Variants in CFAP210 observed in about 807,000 individuals in gnomAD.
The protein encoded by CFAP210 is cilia and flagella associated protein 210.
At chr2:169,645,898 A>G in the CFAP210 span, 690 of 1,613,816 alleles carry the variant, frequency 4.3e-4, no homozygotes, top group Non-Finnish European at 5.5e-4. Flanking sequence ...TTGGTCCCTG[A>G]GAGTTATAAA....
the CFAP210 span, chr2:169,674,587 A>C: frequency 6.2e-7 from 1 of 1,600,520 alleles, no homozygotes; most frequent in East Asian, 2.3e-5. Context: ...GTTTTAGATG[A>C]TCTTTGGCAA....
At chr2:169,674,086 T>C in the CFAP210 span, among the ~76,000 whole-genome samples, 1 of 152,192 alleles carries the variant, frequency 6.6e-6, no homozygotes, top group Non-Finnish European at 1.5e-5. Flanking sequence ...CCAAGTATAC[T>C]TCCTTCTCCA....
the CFAP210 span, among the ~76,000 whole-genome samples, chr2:169,656,690 G>A: frequency 0.38 from 57,794 of 151,824 alleles, 11,317 homozygotes; most frequent in African/African-American, 0.42. Context: ...TAGACCGGGC[G>A]TGGTGACTCA....
chr2:169,683,398 C>G, the CFAP210 span, among the ~76,000 whole-genome samples: 1 of 152,194 alleles, frequency 6.6e-6, no homozygotes, highest in African/African-American at 2.4e-5. Context: ...ACCAATACAT[C>G]CTTACAGCCT....
chr2:169,686,193 T>C, the CFAP210 span, among the ~76,000 whole-genome samples: 1 of 152,238 alleles, frequency 6.6e-6, no homozygotes, highest in Non-Finnish European at 1.5e-5. Context: ...CCAATGAGTG[T>C]AGCTTTGTAG....
chr2:169,654,717 C>T, the CFAP210 span, among the ~76,000 whole-genome samples: 7,538 of 151,988 alleles, frequency 0.05, 259 homozygotes, highest in Non-Finnish European at 0.077. Flanking sequence ...CTGTATTTCT[C>T]TTCAAGTATC....
the CFAP210 span, among the ~76,000 whole-genome samples, chr2:169,690,525 T>A: frequency 6.6e-6 from 1 of 152,102 alleles, no homozygotes; most frequent in Admixed American, 6.5e-5. Flanking sequence ...TAACCAGGTG[T>A]GGTGGCGGGT....
At chr2:169,687,205 A>C in the CFAP210 span, among the ~76,000 whole-genome samples, 61,956 of 151,966 alleles carry the variant, frequency 0.41, 12,915 homozygotes, top group Non-Finnish European at 0.44. Context: ...GGACACAGCC[A>C]AACCATATCA....
At chr2:169,667,340 T>C in the CFAP210 span, among the ~76,000 whole-genome samples, 3 of 152,074 alleles carry the variant, frequency 2.0e-5, no homozygotes, top group Admixed American at 2.0e-4. Context: ...CGTTTCACCA[T>C]GTTGGCCAGG....
chr2:169,645,668 G>T, the CFAP210 span: 2 of 562,576 alleles, frequency 3.6e-6, no homozygotes, highest in East Asian at 2.9e-5. Context: ...GTTAAAAAAA[G>T]GAATCTCAAA....
At chr2:169,689,948 T>C in the CFAP210 span, among the ~76,000 whole-genome samples, 4 of 152,222 alleles carry the variant, frequency 2.6e-5, no homozygotes, top group Admixed American at 6.5e-5. Context: ...TCATGGTATA[T>C]AATAATTTTT....
At chr2:169,657,496 T>A in the CFAP210 span, among the ~76,000 whole-genome samples, 43 of 152,248 alleles carry the variant, frequency 2.8e-4, no homozygotes, top group Non-Finnish European at 2.6e-4. Flanking sequence ...GGCGGACAGA[T>A]CACTTGAGGC....
At chr2:169,663,274 T>TC in the CFAP210 span, among the ~76,000 whole-genome samples, 1 of 50,366 alleles carries the variant, frequency 2.0e-5, no homozygotes, top group South Asian at 5.5e-4. Flanking sequence ...CCTCTCTCTC[T>TC]TTTTTTTTTT....
At chr2:169,680,961 G>A in the CFAP210 span, 4 of 1,488,490 alleles carry the variant, frequency 2.7e-6, no homozygotes, top group Non-Finnish European at 2.8e-6. Context: ...TAAGAAACAA[G>A]AGTAAGTCTT....
At chr2:169,677,901 C>CT in the CFAP210 span, among the ~76,000 whole-genome samples, 2 of 152,152 alleles carry the variant, frequency 1.3e-5, no homozygotes, top group Non-Finnish European at 2.9e-5. Flanking sequence ...GAAAAATTTA[C>CT]TGTATTTCTA....
the CFAP210 span, among the ~76,000 whole-genome samples, chr2:169,654,822 G>A: frequency 6.6e-6 from 1 of 151,936 alleles, no homozygotes. Context: ...TGTTTGAATA[G>A]TCATATGGTT....
At chr2:169,646,614 A>G in the CFAP210 span, among the ~76,000 whole-genome samples, 1 of 152,228 alleles carries the variant, frequency 6.6e-6, no homozygotes, top group South Asian at 2.1e-4. Context: ...CAGCCACATA[A>G]GATTAAATCA....
the CFAP210 span, chr2:169,660,767 A>G: frequency 4.3e-6 from 1 of 230,312 alleles, no homozygotes; most frequent in South Asian, 6.0e-5. Flanking sequence ...CTGCCTGGCT[A>G]TTTTTTGTAT....
At chr2:169,681,066 T>C in the CFAP210 span, 2 of 1,613,830 alleles carry the variant, frequency 1.2e-6, no homozygotes, top group Non-Finnish European at 1.7e-6. Flanking sequence ...ATTTCTTTCT[T>C]TGCCTTTCTT....
Sources: allele counts gnomAD v4.1 joint callset (sites outside exome capture counted in the v4.1 genomes callset), GRCh38; gene constraint gnomAD v4.1.1; transcripts MANE v1.5; gene names NCBI Gene and HGNC (gene_info 2026-07-23, HGNC 2026-07-21).